The following CCDC102B variants were observed in gnomAD, a reference collection of about 807,000 sequenced individuals.
The protein encoded by CCDC102B is coiled-coil domain-containing protein 102B.
CCDC102B carries 75 observed loss-of-function variants against 57.4 expected under a neutral mutation model. The ratio of observed to expected loss-of-function variants is 1.31; its 90% CI spans 1.08 to 1.58. The LOEUF (loss-of-function observed/expected upper bound fraction) is 1.58, where lower values mean the gene tolerates loss of function less well. CCDC102B is among the 40% of genes most tolerant of loss of function. The probability of loss-of-function intolerance (pLI) is 0.00; values close to 1 mark genes in which losing one functional copy is unlikely to be tolerated. For missense variants in CCDC102B, 636 were observed against 582.6 expected (o/e 1.09, Z -0.94); for synonymous variants, 206 against 201.9 (o/e 1.02, Z -0.17).
chr18:68,937,599 T>C (rs1415692024), intron 6 of CCDC102B, among the ~76,000 whole-genome samples: 1 of 152,048 alleles, frequency 6.6e-6, no homozygotes, highest in African/African-American at 2.4e-5. Flanking sequence ...CAACCACCAA[T>C]GTTTTTATTT....
intron 4 of CCDC102B, 30 bp downstream of exon 4, chr18:68,846,451 A>C (rs1378445547): frequency 7.2e-7 from 1 of 1,389,042 alleles, no homozygotes; most frequent in Non-Finnish European, 9.9e-7. Context: ...AAAGGAAGAA[A>C]TGAAGCCTAG....
chr18:69,045,025 C>A (rs925993666), intron 7 of CCDC102B, among the ~76,000 whole-genome samples: 3 of 151,944 alleles, frequency 2.0e-5, no homozygotes, highest in Non-Finnish European at 2.9e-5. Context: ...GTTGTGTGTG[C>A]GCTCCTGTGA....
At chr18:68,898,555 T>G (rs1202402081) in intron 6 of CCDC102B, among the ~76,000 whole-genome samples, 1 of 152,170 alleles carries the variant, frequency 6.6e-6, no homozygotes, top group Non-Finnish European at 1.5e-5. Flanking sequence ...AGATCTCTAC[T>G]CTAAAAAGTG....
At chr18:68,989,761 TG>T in intron 6 of CCDC102B, among the ~76,000 whole-genome samples, 1 of 152,194 alleles carries the variant, frequency 6.6e-6, no homozygotes, top group Non-Finnish European at 1.5e-5. Flanking sequence ...TCTTGTGGAC[TG>T]GTGCTACTGT....
intron 7 of CCDC102B, among the ~76,000 whole-genome samples, chr18:69,022,595 T>G (rs2051875281): frequency 6.6e-6 from 1 of 152,102 alleles, no homozygotes; most frequent in Non-Finnish European, 1.5e-5. Context: ...GAATTAATCT[T>G]GGCACAGTGT....
intron 7 of CCDC102B, among the ~76,000 whole-genome samples, chr18:69,020,419 G>T (rs2145418119): frequency 6.6e-6 from 1 of 152,200 alleles, no homozygotes; most frequent in South Asian, 2.1e-4. Flanking sequence ...TATTCTTGAT[G>T]TAAGGGTTAA....
At chr18:68,827,782 A>G (rs2036965325) in intron 1 of CCDC102B, among the ~76,000 whole-genome samples, 1 of 152,018 alleles carries the variant, frequency 6.6e-6, no homozygotes. Context: ...GAACTTAACA[A>G]GAAACTCACT....
intron 6 of CCDC102B, among the ~76,000 whole-genome samples, chr18:68,934,013 A>G (rs1257061840): frequency 6.6e-6 from 1 of 151,888 alleles, no homozygotes; most frequent in Non-Finnish European, 1.5e-5. Flanking sequence ...ATGGCACTAG[A>G]TAAATGTCCT....
chr18:69,057,301 T>C (rs1038765435), downstream of CCDC102B, among the ~76,000 whole-genome samples: 2 of 152,234 alleles, frequency 1.3e-5, no homozygotes, highest in African/African-American at 4.8e-5. Flanking sequence ...TGTTGCTTAC[T>C]ACTGTTCTGT....
intron 6 of CCDC102B, among the ~76,000 whole-genome samples, chr18:68,927,833 G>A (rs2041527545): frequency 6.6e-6 from 1 of 151,892 alleles, no homozygotes; most frequent in African/African-American, 2.4e-5. Context: ...CTAGGTATAA[G>A]TGGTGCTTTT....
intron 1 of CCDC102B, among the ~76,000 whole-genome samples, chr18:68,828,434 A>T (rs554517772): frequency 2.0e-5 from 3 of 151,672 alleles, no homozygotes; most frequent in African/African-American, 7.2e-5. Context: ...CAGCAGAAAT[A>T]CAACAGAAAT....
intron 1 of CCDC102B, among the ~76,000 whole-genome samples, chr18:68,820,601 A>G (rs773168752): frequency 1.2e-4 from 18 of 152,258 alleles, no homozygotes; most frequent in African/African-American, 4.1e-4. Context: ...GAAAATTGAT[A>G]TCATCTCTTC....
At chr18:68,894,670 C>G (rs191262565) in intron 5 of CCDC102B, among the ~76,000 whole-genome samples, 18 of 151,780 alleles carry the variant, frequency 1.2e-4, no homozygotes, top group Middle Eastern at 3.5e-3. Flanking sequence ...AAAATAAAAA[C>G]TAAAACTTCT....
chr18:68,961,465 A>G (rs1036944974), intron 6 of CCDC102B, among the ~76,000 whole-genome samples: 5 of 151,960 alleles, frequency 3.3e-5, no homozygotes, highest in Admixed American at 2.6e-4. Flanking sequence ...TAAGATGACT[A>G]TTTCTTTAAA....
chr18:68,957,892 T>C (rs1007855136), intron 6 of CCDC102B, among the ~76,000 whole-genome samples: 29 of 152,126 alleles, frequency 1.9e-4, no homozygotes, highest in African/African-American at 6.8e-4. Flanking sequence ...ACCTTCTACA[T>C]TTCTTTTTCC....
At position 68,800,698 on chromosome 18, in the gene CCDC102B, C is replaced by T. The variant is rs147375202; in HGVS notation, c.-16+2517C>T. The stretch of plus-strand genomic sequence containing the variant: ...GTTTCTTTTTGATACATGGTATCAA[C>T]GAACACTCAGCGACCAAATACTCTT... On this transcript the variant is annotated intron_variant, in intron 1 of 7. Coordinates refer to ENST00000360242, the MANE Select transcript of CCDC102B (RefSeq NM_024781.3). Among the ~76,000 whole-genome samples the T allele has an allele frequency of 2.4e-4, 36 of 152,158 alleles. 1 individual carries two copies. Among genetic ancestry groups the T allele is most frequent in the African/African-American group, 6.3e-4 (26 of 41,532 alleles).
chr18:69,022,424 T>G (rs2051870695), intron 7 of CCDC102B, among the ~76,000 whole-genome samples: 1 of 151,982 alleles, frequency 6.6e-6, no homozygotes, highest in Non-Finnish European at 1.5e-5. Flanking sequence ...TACTTCTCAT[T>G]CAGTTGTATT....
intron 2 of CCDC102B, chr18:68,753,319 G>T (rs757126552): frequency 2.0e-5 from 3 of 152,062 alleles, no homozygotes; most frequent in Non-Finnish European, 2.9e-5. Context: ...TTTTGTGGAT[G>T]CGTTTTCTCA....
At chr18:68,991,278 A>G (rs1026021699) in intron 6 of CCDC102B, among the ~76,000 whole-genome samples, 1 of 152,222 alleles carries the variant, frequency 6.6e-6, no homozygotes. Context: ...CTCTGTGCAG[A>G]AACACTTTCA....
Sources: allele counts gnomAD v4.1 joint callset (sites outside exome capture counted in the v4.1 genomes callset), GRCh38; gene constraint gnomAD v4.1.1; transcripts MANE v1.5; gene names NCBI Gene and HGNC (gene_info 2026-07-23, HGNC 2026-07-21).